TTC21B: variants seen among roughly 807,000 people sequenced by gnomAD.
The protein encoded by TTC21B is tetratricopeptide repeat domain 21B.
TTC21B carries 127 observed loss-of-function variants against 175.1 expected under a neutral mutation model. The ratio of observed to expected loss-of-function variants is 0.73; its 90% confidence interval spans 0.63 to 0.84. The LOEUF is 0.84. Ranked by LOEUF, TTC21B falls within the 40% of genes least tolerant of loss-of-function variation. The pLI is 0.00. For synonymous variants in TTC21B, 524 were observed against 524.5 expected (o/e 1.00, Z 0.01); for missense variants, 1,561 against 1,558.3 (o/e 1.00, Z -0.03).
intron 1 of TTC21B, among the ~76,000 whole-genome samples, chr2:165,953,448 A>G (rs1378505458): frequency 2.0e-5 from 3 of 152,218 alleles, no homozygotes; most frequent in Non-Finnish European, 4.4e-5. Flanking sequence ...GGGGACCAGC[A>G]ATTCAGAAAC....
chr2:165,917,320 A>G lies in TTC21B; in HGVS notation c.1836T>C (p.Asp612=), dbSNP rs750611090. ...GAAAGATCGATAAACGATGGCTTGT[A>G]TCAACTTCAGTTTTTCTGTCTTTTG... The part of the protein sequence containing the change: ...TKSKDRKTEV[D]TSHRLSIFLE... The change falls in exon 14 of 29, where the codon GAT becomes GAC. Residue 612 remains aspartate (D), a synonymous_variant. Coordinates refer to ENST00000243344, the MANE Select transcript of TTC21B (RefSeq NM_024753.5). The G allele has an allele frequency of 4.3e-6, 7 of 1,614,230 alleles. No individual in the cohort carries two copies. Among genetic ancestry groups the G allele is most frequent in the Non-Finnish European group, 5.1e-6 (6 of 1,180,038 alleles).
rs934735326 is a variant in TTC21B at position 165,883,845 on chromosome 2, T to C, written c.3633A>G (p.Ala1211=). Residue 1211 remains alanine (A), a synonymous_variant, in exon 26 of 29, where the codon GCA becomes GCG. Coordinates refer to ENST00000243344, the MANE Select transcript of TTC21B (RefSeq NM_024753.5). The part of the protein sequence containing the change: ...LLLADIYIQS[A]KYDMAEDLLK... Reference sequence around the variant, plus strand: ...ACAGGTCTTCTGCCATGTCATATTTTGCTGATTGAATGTAAATATCAGCAA... The same window carrying C: ...ACAGGTCTTCTGCCATGTCATATTTCGCTGATTGAATGTAAATATCAGCAA... 1.2e-6 allele frequency: 2 copies of C among 1,614,042 alleles called. No individual in the cohort carries two copies. Among genetic ancestry groups the C allele is most frequent in the African/African-American group, 2.7e-5 (2 of 74,938 alleles).
rs1429250116 is a variant in TTC21B at position 165,873,384 on chromosome 2, G to A, written c.*1371C>T. ...AAATGACTTATAAATACTGTTTATT[G>A]TAAATGCAAATAAAATTGAGGACTG... On this transcript the variant is annotated 3_prime_UTR_variant, in exon 29 of 29. Transcript: ENST00000243344. 6.6e-6 allele frequency: 1 copy of A among 152,162 alleles called. No individual in the cohort carries two copies. Among genetic ancestry groups the A allele is most frequent in the Non-Finnish European group, 1.5e-5 (1 of 68,026 alleles). 9.4% of individuals were successfully genotyped at this position (152,162 alleles called of 1,614,324 possible).
intron 22 of TTC21B, among the ~76,000 whole-genome samples, chr2:165,892,674 A>G (rs1403606418): frequency 3.9e-5 from 6 of 152,208 alleles, no homozygotes; most frequent in Admixed American, 1.3e-4. Flanking sequence ...TAAATTCATC[A>G]ACATAGAAAG....
At chr2:165,886,029 T>C (rs1036363184) in intron 25 of TTC21B, among the ~76,000 whole-genome samples, 1 of 152,234 alleles carries the variant, frequency 6.6e-6, no homozygotes, top group African/African-American at 2.4e-5. Flanking sequence ...ATTTCTTCCA[T>C]GATTTCTTGT....
intron 11 of TTC21B, 175 bp downstream of exon 11, chr2:165,928,960 T>C (rs1686779581): frequency 3.2e-6 from 2 of 626,508 alleles, no homozygotes; most frequent in South Asian, 1.9e-5. Flanking sequence ...CTTTCAGTAG[T>C]TGACAGCAGT....
In TTC21B at chr2:165,873,828, T is replaced by A. The variant is rs1486080205; in HGVS notation, c.*927A>T. ...CCCTTTTCTAAAAAAGATTTTTCAA[T>A]GAAAGTTACATTTTCTGTACTATAC... On this transcript the variant is annotated 3_prime_UTR_variant, in exon 29 of 29. Coordinates refer to ENST00000243344, the MANE Select transcript of TTC21B (RefSeq NM_024753.5). 1 of 152,144 alleles carries A rather than the reference T, an allele frequency of 6.6e-6. No homozygotes were observed. The highest frequency in any genetic ancestry group is 1.5e-5 in the Non-Finnish European group (1 of 68,014). The allele number at this position is 152,144 out of a possible 1,614,324, so 9.4% of individuals were successfully genotyped here. A position where few individuals can be genotyped will look rare whatever the true frequency, so the allele number is the denominator to read the frequency against.
intron 6 of TTC21B, among the ~76,000 whole-genome samples, chr2:165,937,105 TA>T (rs1431389532): frequency 6.6e-6 from 1 of 151,930 alleles, no homozygotes; most frequent in Non-Finnish European, 1.5e-5. Flanking sequence ...TATTTAGTAC[TA>T]AAAATAAATG....
At position 165,941,143 on chromosome 2, in the gene TTC21B, C is replaced by T. The variant is rs1445114936; in HGVS notation, c.594G>A (p.Leu198=). The T allele has an allele frequency of 3.7e-6, 6 of 1,613,882 alleles. No homozygotes were observed. The highest frequency in any genetic ancestry group is 5.1e-6 in the Non-Finnish European group (6 of 1,179,854). ...TCACGATTATCTGGTTCACAGTCTC[C>T]AGGGCACCTGAATAATTCTGGCGCA... ...LEMRQNYSGA[L]ETVNQIIVNF... Residue 198 remains leucine, a synonymous_variant, in exon 6 of 29, where the codon CTG becomes CTA. Coordinates refer to ENST00000243344, the MANE Select transcript of TTC21B (RefSeq NM_024753.5).
intron 19 of TTC21B, among the ~76,000 whole-genome samples, chr2:165,905,483 A>T (rs919295650): frequency 2.0e-5 from 3 of 152,176 alleles, no homozygotes; most frequent in Admixed American, 2.0e-4. Context: ...TACTAAAAGG[A>T]AACTGGAGTT....
chr2:165,907,179 C>T (rs895402160), intron 19 of TTC21B, among the ~76,000 whole-genome samples: 7 of 151,584 alleles, frequency 4.6e-5, no homozygotes, highest in Non-Finnish European at 7.4e-5. Context: ...GGAGGAAAGA[C>T]ATATGATCAT....
intron 12 of TTC21B, among the ~76,000 whole-genome samples, chr2:165,920,357 T>C (rs1686341519): frequency 6.6e-6 from 1 of 152,176 alleles, no homozygotes; most frequent in African/African-American, 2.4e-5. Flanking sequence ...ACTGAAAATG[T>C]TCTTCTCAGA....
chr2:165,899,350 T>C (rs111684019), intron 21 of TTC21B, among the ~76,000 whole-genome samples: 6 of 152,324 alleles, frequency 3.9e-5, no homozygotes, highest in African/African-American at 1.2e-4. Flanking sequence ...AAAAACTCTA[T>C]TCAAAACAGA....
rs746990273 is a variant in TTC21B, at chr2:165,898,688, G to C, written c.2948C>G (p.Pro983Arg). ...FHLQQLLERK[P>R]DNYMTLSRLI... ...AAATACAATAAGTAGGTATTTACCT[G>C]GCTTACGTTCTAAAAGCTGCTGTAA... The change falls in exon 22 of 29, where the codon CCA (proline) becomes CGA (arginine). Residue 983 changes from proline to arginine, a missense_variant and splice_region_variant. Pro to Arg is a moderately radical substitution (Grantham distance 103, BLOSUM62 -2). Coordinates refer to ENST00000243344, the MANE Select transcript of TTC21B (RefSeq NM_024753.5). The C allele has an allele frequency of 6.2e-7, 1 of 1,604,622 alleles. No homozygotes were observed. Among genetic ancestry groups the C allele is most frequent in the South Asian group, 1.1e-5 (1 of 90,892 alleles).
rs755309387 is a variant in TTC21B at position 165,880,791 on chromosome 2, G to C, written c.3693C>G (p.Cys1231Trp). ...TGTATCCCATATATTCATAAGCTTT[G>C]CAGCAAGACTGAAGAAAAATGGGAG... ...KRCLRHNRSC[C>W]KAYEYMGYIM... Residue 1231 changes from cysteine (C) to tryptophan (W), a missense_variant, in exon 27 of 29, where the codon TGC becomes TGG. Cys to Trp is a radical substitution (Grantham distance 215, BLOSUM62 -2). Coordinates refer to ENST00000243344, the MANE Select transcript of TTC21B (RefSeq NM_024753.5). 6.2e-7 allele frequency: 1 copy of C among 1,612,288 alleles called. No individual in the cohort carries two copies. The highest frequency in any genetic ancestry group is 8.5e-7 in the Non-Finnish European group (1 of 1,179,500).
Position 165,924,580 on chromosome 2 carries a change from G to A in TTC21B, c.1485C>T (p.Val495=). Reference sequence around the variant, plus strand: ...AATATTTCACTTTTGCTATTAGGAAGACTGTTTGCAGAAGACCTGGAACAG... The same window carrying A: ...AATATTTCACTTTTGCTATTAGGAAAACTGTTTGCAGAAGACCTGGAACAG... ...VRTVPGLLQT[V]FLIAKVKYLS... is the part of the protein sequence containing the mutation. Residue 495 remains valine, a synonymous_variant, in exon 12 of 29, where the codon GTC becomes GTT. Transcript: ENST00000243344. 6.2e-7 allele frequency: 1 copy of A among 1,613,726 alleles called. No homozygotes were observed. The highest frequency in any genetic ancestry group is 1.3e-5 in the African/African-American group (1 of 75,028).
At chr2:165,951,439 T>C (rs1348938187) in intron 1 of TTC21B, among the ~76,000 whole-genome samples, 1 of 152,184 alleles carries the variant, frequency 6.6e-6, no homozygotes, top group Non-Finnish European at 1.5e-5. Flanking sequence ...ATCCCATATG[T>C]TAATGGAATA....
At chr2:165,900,022 AAAC>A (rs966458569) in intron 20 of TTC21B, 142 bp from the exon 21 acceptor site, 1 of 666,160 alleles carries the variant, frequency 1.5e-6, no homozygotes, top group African/African-American at 1.9e-5. Context: ...AAAAAAAAAA[AAAC>A]AACAGTATGT....
At chr2:165,908,191 A>C (rs956792488) in intron 18 of TTC21B, among the ~76,000 whole-genome samples, 18 of 152,218 alleles carry the variant, frequency 1.2e-4, no homozygotes, top group African/African-American at 4.3e-4. Context: ...TAAGCAATAA[A>C]GTACAGTTGT....
Sources: allele counts gnomAD v4.1 joint callset (sites outside exome capture counted in the v4.1 genomes callset), GRCh38; gene constraint gnomAD v4.1.1; transcripts MANE v1.5; gene names NCBI Gene and HGNC (gene_info 2026-07-23, HGNC 2026-07-21).